The following PHF3 variants were observed in gnomAD, a reference collection of about 807,000 sequenced individuals.
The protein encoded by PHF3 is PHD finger protein 3.
PHF3 carries 41 observed loss-of-function variants against 178.4 expected under a neutral mutation model. The observed-to-expected ratio is 0.23, with a 90% CI of 0.18 to 0.30. The LOEUF (loss-of-function observed/expected upper bound fraction) is 0.30, where lower values mean the gene tolerates loss of function less well. PHF3 is among the 10% of genes least tolerant of loss of function. The pLI, the probability that PHF3 is intolerant of heterozygous loss-of-function variation, is 1.00. For missense variants in PHF3, 2,346 were observed against 2,398.1 expected (o/e 0.98, Z 0.45); for synonymous variants, 842 against 800.5 (o/e 1.05, Z -0.88).
intron 2 of PHF3, among the ~76,000 whole-genome samples, chr6:63,657,688 G>C (rs991519968): frequency 1.6e-4 from 24 of 152,118 alleles, no homozygotes; most frequent in Non-Finnish European, 2.9e-4. Context: ...GAAGAAAATC[G>C]ATGTATAAGT....
At chr6:63,691,672 C>A in intron 4 of PHF3, 65 bp from the exon 5 acceptor site, 2 of 1,332,734 alleles carry the variant, frequency 1.5e-6, no homozygotes, top group Middle Eastern at 1.9e-4. Flanking sequence ...AATTTAGCCT[C>A]ATTTTTGACA....
chr6:63,681,624 A>G (rs1766440089), intron 3 of PHF3, among the ~76,000 whole-genome samples: 1 of 151,932 alleles, frequency 6.6e-6, no homozygotes, highest in Non-Finnish European at 1.5e-5. Flanking sequence ...TCCTTTCTGT[A>G]GTGTTCTATT....
chr6:63,698,157 TATTC>T lies in PHF3; in HGVS notation c.2681-62_2681-59del, dbSNP rs1417581768. On this transcript the variant is annotated intron_variant, in intron 6 of 15. Transcript: ENST00000262043. The stretch of plus-strand genomic sequence containing the variant: ...TTTTAATCAGTTTTGTTTGTAAACT[TATTC>T]ATTAAAAAGGAAAGATATTTTTAAA... 4 of 1,301,988 alleles carry T rather than the reference TATTC, an allele frequency of 3.1e-6. No individual in the cohort carries two copies. The East Asian group carries it at 9.4e-5, about 31-fold the overall frequency. The allele number at this position is 1,301,988 out of a possible 1,614,324, so 80.7% of individuals were successfully genotyped here. A position where few individuals can be genotyped will look rare whatever the true frequency, so the allele number is the denominator to read the frequency against.
chr6:63,719,781 T>C lies in PHF3; in HGVS notation c.*6073T>C, dbSNP rs947903620. On this transcript the variant is annotated 3_prime_UTR_variant, in exon 16 of 16. Coordinates refer to ENST00000262043, the MANE Select transcript of PHF3 (RefSeq NM_001370348.2). ...AATTTTTTAATTTGATCAGTTAATA[T>C]GAGTACATGGTTTTAAAAAGTCAAA... Among the ~76,000 whole-genome samples the C allele has an allele frequency of 1.3e-5, 2 of 152,082 alleles. No homozygotes were observed. Among genetic ancestry groups the C allele is most frequent in the African/African-American group, 2.4e-5 (1 of 41,448 alleles).
chr6:63,706,616 A>G (rs970717879), intron 12 of PHF3, 113 bp from the exon 13 acceptor site: 28 of 806,500 alleles, frequency 3.5e-5, no homozygotes, highest in Non-Finnish European at 4.1e-5. Flanking sequence ...CTCTTTGTCA[A>G]TAGCCTCATA....
rs1004446348 is a variant in PHF3, at chr6:63,635,829, C to T, written c.-347C>T. On this transcript the variant is annotated 5_prime_UTR_variant, in exon 1 of 16. Coordinates refer to ENST00000262043, the MANE Select transcript of PHF3 (RefSeq NM_001370348.2). ...TGGGGTCACGTGACACGGCCCCTCT[C>T]CAGCTCCCGCGCCGCCGCCGCACGC... The T allele has an allele frequency of 1.3e-5, 5 of 395,612 alleles. No individual in the cohort carries two copies. The highest frequency in any genetic ancestry group is 1.8e-5 in the Non-Finnish European group (4 of 224,154). 24.5% of individuals were successfully genotyped at this position (395,612 alleles called of 1,614,324 possible). A position where few individuals can be genotyped will look rare whatever the true frequency, so the allele number is the denominator to read the frequency against.
intron 2 of PHF3, chr6:63,678,864 G>GT (rs2149576584): frequency 2.2e-6 from 1 of 451,668 alleles, no homozygotes; most frequent in African/African-American, 2.0e-5. Flanking sequence ...TTTAAATGAA[G>GT]TTCTACTTGG....
chr6:63,711,843 G>T lies in PHF3; in HGVS notation c.4255G>T (p.Glu1419Ter), dbSNP rs1215554601. 6.2e-7 allele frequency: 1 copy of T among 1,613,988 alleles called. No homozygotes were observed. The highest frequency in any genetic ancestry group is 1.1e-5 in the South Asian group (1 of 91,076). Residue 1419 changes from glutamate (E) to a stop codon, truncating the protein, a stop_gained, in exon 16 of 16, where the codon GAA (glutamate) becomes TAA (stop). Coordinates refer to ENST00000262043, the MANE Select transcript of PHF3 (RefSeq NM_001370348.2). LOFTEE classifies it high-confidence loss of function. ...AAATAAACCTCAGCAGAATCTTCAG[G>T]AAGACCTTCCAACAGCAGTTGAACC... Reference protein sequence around the residue: ...QRNKPQQNLQEDLPTAVEPLM... With the variant: ...QRNKPQQNLQ
In PHF3 at chr6:63,706,132, T is replaced by C. The variant is rs760902206; in HGVS notation, c.3471T>C (p.Asp1157=). The C allele has an allele frequency of 6.2e-7, 1 of 1,613,970 alleles. No homozygotes were observed. The highest frequency in any genetic ancestry group is 8.5e-7 in the Non-Finnish European group (1 of 1,179,898). Residue 1157 remains aspartate (D), a synonymous_variant, in exon 12 of 16, where the codon GAT becomes GAC. Coordinates refer to ENST00000262043, the MANE Select transcript of PHF3 (RefSeq NM_001370348.2). ...ACAATGAAGCAGAAAGTATAGCAGATGCATTATCTTCAACCTCAAATATTT... is the reference window on the plus strand; with the variant it reads ...ACAATGAAGCAGAAAGTATAGCAGACGCATTATCTTCAACCTCAAATATTT... ...HSDNEAESIA[D]ALSSTSNILA...
At chr6:63,658,223 T>G (rs1458561700) in intron 2 of PHF3, among the ~76,000 whole-genome samples, 1 of 152,234 alleles carries the variant, frequency 6.6e-6, no homozygotes, top group Admixed American at 6.5e-5. Context: ...GTTCACAACT[T>G]CTTAAGCTTC....
chr6:63,703,386 T>C, intron 10 of PHF3, 150 bp from the exon 11 acceptor site: 1 of 719,412 alleles, frequency 1.4e-6, no homozygotes, highest in African/African-American at 1.9e-5. Flanking sequence ...TCTTAAGAAA[T>C]AGTAAAAAAA....
chr6:63,647,661 T>C (rs1764847757), intron 2 of PHF3, among the ~76,000 whole-genome samples: 1 of 152,182 alleles, frequency 6.6e-6, no homozygotes, highest in Non-Finnish European at 1.5e-5. Context: ...AGACTGAAGA[T>C]AGTAATTTTC....
chr6:63,649,750 A>G (rs1490583389), intron 2 of PHF3, among the ~76,000 whole-genome samples: 1 of 152,242 alleles, frequency 6.6e-6, no homozygotes, highest in East Asian at 1.9e-4. Flanking sequence ...GACTGTGTCA[A>G]GTATTACTTC....
chr6:63,695,858 G>A (rs557998757), intron 6 of PHF3, among the ~76,000 whole-genome samples: 2 of 152,232 alleles, frequency 1.3e-5, no homozygotes, highest in South Asian at 4.1e-4. Context: ...AAAAGGTTTG[G>A]GGAAGAAAAT....
At chr6:63,691,604 T>C (rs937590712) in intron 4 of PHF3, 133 bp from the exon 5 acceptor site, 16 of 733,730 alleles carry the variant, frequency 2.2e-5, no homozygotes, top group Non-Finnish European at 3.0e-5. Context: ...GTTGAACTTA[T>C]GGAACGGATA....
intron 4 of PHF3, chr6:63,686,343 G>GTT (rs533212365): frequency 4.0e-5 from 6 of 149,288 alleles, no homozygotes; most frequent in African/African-American, 4.9e-5. Flanking sequence ...TTCTTTTGAA[G>GTT]TTTTTTTTTT....
intron 2 of PHF3, among the ~76,000 whole-genome samples, chr6:63,672,956 C>T (rs1765984630): frequency 6.6e-6 from 1 of 152,126 alleles, no homozygotes; most frequent in Non-Finnish European, 1.5e-5. Context: ...TAAATTTGTT[C>T]TGACCAAGAG....
chr6:63,700,362 A>T lies in PHF3; in HGVS notation c.2995A>T (p.Lys999Ter). 1 of 1,535,960 alleles carries T rather than the reference A, an allele frequency of 6.5e-7. No homozygotes were observed. Among genetic ancestry groups the T allele is most frequent in the Non-Finnish European group, 8.9e-7 (1 of 1,119,246 alleles). The stretch of plus-strand genomic sequence containing the variant: ...AAAATCCTTCCAGATATTATTTAAA[A>T]AAGTACTGAAAGGAGAAGTAACTCC... ...KDPKNNILFK[K>*]VLKGEVTPDH... The change falls in exon 9 of 16, where the codon AAA becomes TAA. Residue 999 changes from lysine to a stop codon, truncating the protein, a stop_gained. Coordinates refer to ENST00000262043, the MANE Select transcript of PHF3 (RefSeq NM_001370348.2). LOFTEE classifies it high-confidence loss of function.
chr6:63,646,506 A>T (rs1764790321), intron 1 of PHF3, 21 bp from the exon 2 acceptor site: 6 of 1,508,038 alleles, frequency 4.0e-6, no homozygotes, highest in Non-Finnish European at 5.4e-6. Context: ...TTCTTATGGT[A>T]TTTTTTTTGT....
Sources: allele counts gnomAD v4.1 joint callset (sites outside exome capture counted in the v4.1 genomes callset), GRCh38; gene constraint gnomAD v4.1.1; transcripts MANE v1.5; gene names NCBI Gene and HGNC (gene_info 2026-07-23, HGNC 2026-07-21).